Variants in LRP1B observed in about 807,000 individuals in gnomAD.
LRP1B encodes the protein LDL receptor related protein 1B, also known as low-density lipoprotein receptor-related protein 1B.
LRP1B carries 217 observed loss-of-function variants against 556.6 expected under a neutral mutation model. The observed-to-expected ratio is 0.39, with a 90% confidence interval of 0.35 to 0.44. The LOEUF (loss-of-function observed/expected upper bound fraction) is 0.44, where lower values mean the gene tolerates loss of function less well. Among genes scored for constraint, LRP1B ranks in the 20% least tolerant of loss-of-function variants. The pLI, the probability that LRP1B is intolerant of heterozygous loss-of-function variation, is 1.00. For missense variants in LRP1B, 5,053 were observed against 5,620.8 expected, an observed-to-expected ratio of 0.90 and a Z score of 3.23; for synonymous variants, 2,047 against 1,865.8, an observed-to-expected ratio of 1.10 and a Z score of -2.50.
intron 66 of LRP1B, among the ~76,000 whole-genome samples, chr2:140,416,565 AG>A (rs950298686): frequency 6.6e-6 from 1 of 151,978 alleles, no homozygotes; most frequent in Non-Finnish European, 1.5e-5. Context: ...CTGAGGTGGG[AG>A]TATGGCTTGA....
intron 74 of LRP1B, 43 bp downstream of exon 74, chr2:140,357,936 A>ACTT: frequency 6.3e-7 from 1 of 1,581,056 alleles, no homozygotes; most frequent in Non-Finnish European, 8.6e-7. Context: ...CAGAAGTTAG[A>ACTT]CTTGTGTATC....
At chr2:140,373,715 T>C (rs998785486) in intron 68 of LRP1B, among the ~76,000 whole-genome samples, 4 of 152,116 alleles carry the variant, frequency 2.6e-5, no homozygotes, top group Admixed American at 2.6e-4. Flanking sequence ...GAGGATGTAG[T>C]GCGCGATGAT....
intron 60 of LRP1B, among the ~76,000 whole-genome samples, chr2:140,463,967 G>T (rs747501508): frequency 6.6e-6 from 1 of 151,994 alleles, no homozygotes; most frequent in Non-Finnish European, 1.5e-5. Context: ...AGGCTGAGGT[G>T]GGCAGATCAC....
intron 41 of LRP1B, among the ~76,000 whole-genome samples, chr2:140,639,587 G>T (rs1021692108): frequency 6.6e-6 from 1 of 152,132 alleles, no homozygotes; most frequent in Non-Finnish European, 1.5e-5. Context: ...TTAAATTTAT[G>T]CAGGGTGATG....
intron 18 of LRP1B, among the ~76,000 whole-genome samples, chr2:140,978,610 C>T (rs566525363): frequency 2.0e-5 from 3 of 152,212 alleles, no homozygotes; most frequent in East Asian, 3.9e-4. Flanking sequence ...CACTCCTTGT[C>T]GTTTTGTATG....
intron 41 of LRP1B, among the ~76,000 whole-genome samples, chr2:140,624,237 C>A (rs1253089854): frequency 1.3e-5 from 2 of 151,826 alleles, no homozygotes; most frequent in Non-Finnish European, 2.9e-5. Flanking sequence ...AGACTTTAGG[C>A]CTACTCACAA....
intron 1 of LRP1B, among the ~76,000 whole-genome samples, chr2:141,840,190 G>T (rs1362299533): frequency 1.3e-5 from 2 of 149,184 alleles, no homozygotes; most frequent in Non-Finnish European, 3.0e-5. Flanking sequence ...TATAATTGAG[G>T]TTATATTTGA....
At chr2:140,535,970 A>C (rs1690943278) in intron 46 of LRP1B, among the ~76,000 whole-genome samples, 1 of 152,094 alleles carries the variant, frequency 6.6e-6, no homozygotes, top group African/African-American at 2.4e-5. Context: ...AATCGACAAG[A>C]CTTTGATAAC....
intron 52 of LRP1B, among the ~76,000 whole-genome samples, chr2:140,509,160 G>A (rs985962839): frequency 1.3e-5 from 2 of 151,616 alleles, no homozygotes; most frequent in African/African-American, 4.9e-5. Flanking sequence ...TGTGAAGGCA[G>A]GCCATTGGAG....
intron 6 of LRP1B, among the ~76,000 whole-genome samples, chr2:141,193,784 A>G (rs1024182713): frequency 1.3e-5 from 2 of 152,108 alleles, no homozygotes; most frequent in South Asian, 2.1e-4. Flanking sequence ...TAAAAAAAAA[A>G]ATAAAAATAA....
rs573194978 is a variant in LRP1B at position 140,562,615 on chromosome 2, GTTATTTAT to G, written c.7195-20652_7195-20645del. Among the ~76,000 whole-genome samples the G allele has an allele frequency of 5.5e-3, 831 of 151,748 alleles. 9 individuals are homozygous for G. The highest frequency in any genetic ancestry group is 0.019 in the African/African-American group (772 of 41,396). Reference sequence around the variant, plus strand: ...CTTTTTTAAATTTCTTTTCTTTTCTGTTATTTATTTATTTATTTATTTTGAGACACAGT... The same window carrying G: ...CTTTTTTAAATTTCTTTTCTTTTCTGTTATTTATTTATTTTGAGACACAGT... On this transcript the variant is annotated intron_variant, in intron 43 of 90. Coordinates refer to ENST00000389484, the MANE Select transcript of LRP1B (RefSeq NM_018557.3).
At chr2:140,538,877 T>G (rs1680029026) in intron 45 of LRP1B, among the ~76,000 whole-genome samples, 1 of 151,076 alleles carries the variant, frequency 6.6e-6, no homozygotes, top group Non-Finnish European at 1.5e-5. Context: ...TTAGTGCCTT[T>G]GGGGAAAAGA....
chr2:141,279,439 CAA>C (rs1462781065), intron 3 of LRP1B, among the ~76,000 whole-genome samples: 1 of 151,984 alleles, frequency 6.6e-6, no homozygotes, highest in Non-Finnish European at 1.5e-5. Flanking sequence ...AGTGATTACT[CAA>C]AGAGTTAATT....
intron 33 of LRP1B, among the ~76,000 whole-genome samples, chr2:140,773,995 G>T (rs1327003808): frequency 1.3e-5 from 2 of 152,022 alleles, no homozygotes; most frequent in Non-Finnish European, 2.9e-5. Flanking sequence ...GAGCTAGAAA[G>T]TCCACTTGAT....
At chr2:140,793,982 G>A (rs942003788) in intron 32 of LRP1B, among the ~76,000 whole-genome samples, 12 of 151,896 alleles carry the variant, frequency 7.9e-5, no homozygotes, top group Non-Finnish European at 7.4e-5. Context: ...CTGAAAGAAC[G>A]TTATGTTATC....
intron 3 of LRP1B, among the ~76,000 whole-genome samples, chr2:141,335,672 A>T (rs1206860892): frequency 6.6e-6 from 1 of 152,212 alleles, no homozygotes; most frequent in Non-Finnish European, 1.5e-5. Context: ...TAGATTACAA[A>T]TACTTTCAGA....
chr2:140,418,554 C>T (rs1348871731), intron 66 of LRP1B, among the ~76,000 whole-genome samples: 2 of 152,094 alleles, frequency 1.3e-5, no homozygotes, highest in African/African-American at 4.8e-5. Flanking sequence ...AAGCCTCCTT[C>T]CATTTCAGAC....
chr2:142,103,019 G>A (rs1706621352), intron 1 of LRP1B, among the ~76,000 whole-genome samples: 2 of 151,924 alleles, frequency 1.3e-5, no homozygotes, highest in East Asian at 3.9e-4. Flanking sequence ...TGATCCTCTA[G>A]TGTGAAGGTG....
intron 31 of LRP1B, among the ~76,000 whole-genome samples, chr2:140,815,864 TCTC>T (rs1691101191): frequency 3.2e-5 from 2 of 62,248 alleles, no homozygotes; most frequent in South Asian, 1.7e-3. Context: ...GAATGTTGTC[TCTC>T]TTTTTTTTTT....
Sources: allele counts gnomAD v4.1 joint callset (sites outside exome capture counted in the v4.1 genomes callset), GRCh38; gene constraint gnomAD v4.1.1; transcripts MANE v1.5; gene names NCBI Gene and HGNC (gene_info 2026-07-23, HGNC 2026-07-21).